RAB6A: variants seen among roughly 807,000 people sequenced by gnomAD.
RAB6A encodes the protein ras-related protein Rab-6A.
In RAB6A, 8 loss-of-function variants were observed where a neutral mutation model predicts 32.3. The observed-to-expected ratio is 0.25, with a 90% CI of 0.15 to 0.45. The LOEUF is 0.45. RAB6A is among the 20% of genes least tolerant of loss of function. The pLI, the probability that RAB6A is intolerant of heterozygous loss-of-function variation, is 1.00. For synonymous variants in RAB6A, 73 were observed against 82.1 expected (o/e 0.89, Z 0.60); for missense variants, 104 against 249.4 (o/e 0.42, Z 3.93).
At chr11:73,703,632 G>A (rs1233295494) in intron 6 of RAB6A, among the ~76,000 whole-genome samples, 1 of 152,128 alleles carries the variant, frequency 6.6e-6, no homozygotes, top group Non-Finnish European at 1.5e-5. Flanking sequence ...ATCCCAGCTA[G>A]GCAGGAGGCT....
intron 1 of RAB6A, among the ~76,000 whole-genome samples, chr11:73,739,947 T>C (rs1158649977): frequency 2.0e-5 from 3 of 151,748 alleles, no homozygotes; most frequent in South Asian, 4.2e-4. Context: ...TAGTCCCAGC[T>C]ACTCAGGAGA....
At chr11:73,692,818 G>A (rs1473038469) in intron 6 of RAB6A, among the ~76,000 whole-genome samples, 1 of 144,594 alleles carries the variant, frequency 6.9e-6, no homozygotes, top group Non-Finnish European at 1.5e-5. Flanking sequence ...AAAATTAGCC[G>A]GGCGTGTTGG....
chr11:73,730,452 T>C (rs890529975), intron 2 of RAB6A: 1 of 225,974 alleles, frequency 4.4e-6, no homozygotes, highest in East Asian at 9.3e-5. Context: ...ATTTCAAATG[T>C]AGATAAAAAA....
intron 1 of RAB6A, among the ~76,000 whole-genome samples, chr11:73,748,933 T>TGGCCAATATGATGACACCCC (rs1946634280): frequency 6.6e-6 from 1 of 152,014 alleles, no homozygotes; most frequent in Non-Finnish European, 1.5e-5. Flanking sequence ...AAGACCAGCC[T>TGGCCAATATGATGACACCCC]GGCCAATATG....
chr11:73,693,291 A>AAAAAAAATAAATAAATAAAT (rs1555055733), intron 6 of RAB6A, among the ~76,000 whole-genome samples: 4 of 150,918 alleles, frequency 2.7e-5, no homozygotes, highest in African/African-American at 9.7e-5. Flanking sequence ...CCGTCTCCAA[A>AAAAAAAATAAATAAATAAAT]AAATAAATAA....
At chr11:73,734,751 C>T (rs923793925) in intron 1 of RAB6A, among the ~76,000 whole-genome samples, 12 of 152,006 alleles carry the variant, frequency 7.9e-5, no homozygotes, top group African/African-American at 2.4e-4. Flanking sequence ...TACCTCCTGC[C>T]GTGAGGCCTG....
At chr11:73,691,826 A>T (rs944670582) in intron 6 of RAB6A, among the ~76,000 whole-genome samples, 1 of 152,130 alleles carries the variant, frequency 6.6e-6, no homozygotes, top group Non-Finnish European at 1.5e-5. Flanking sequence ...CAAAAAAATT[A>T]GCTGGGCATG....
At chr11:73,725,551 A>G (rs930397911) in intron 2 of RAB6A, among the ~76,000 whole-genome samples, 1 of 152,220 alleles carries the variant, frequency 6.6e-6, no homozygotes, top group Non-Finnish European at 1.5e-5. Flanking sequence ...TACTTCTTAC[A>G]TGGAGGCAAC....
intron 6 of RAB6A, among the ~76,000 whole-genome samples, chr11:73,681,357 G>A (rs905799670): frequency 1.3e-5 from 2 of 152,198 alleles, no homozygotes; most frequent in Non-Finnish European, 2.9e-5. Flanking sequence ...GGTAACATCT[G>A]AGTTGAGATT....
At chr11:73,712,191 T>G (rs1473398506) in intron 5 of RAB6A, among the ~76,000 whole-genome samples, 18 of 152,216 alleles carry the variant, frequency 1.2e-4, no homozygotes, top group Admixed American at 9.2e-4. Context: ...CTAATCCCTT[T>G]AGAATTTGTC....
intron 5 of RAB6A, among the ~76,000 whole-genome samples, chr11:73,714,750 G>A (rs920476062): frequency 6.6e-6 from 1 of 151,638 alleles, no homozygotes; most frequent in Non-Finnish European, 1.5e-5. Context: ...GGTGGATCAC[G>A]AGGTCAGGAG....
chr11:73,753,635 C>T (rs1375952515), intron 1 of RAB6A, among the ~76,000 whole-genome samples: 2 of 151,610 alleles, frequency 1.3e-5, no homozygotes, highest in African/African-American at 4.8e-5. Flanking sequence ...GGCATGAACC[C>T]GGGAGGCAGA....
intron 5 of RAB6A, among the ~76,000 whole-genome samples, chr11:73,708,940 A>T (rs993523145): frequency 2.0e-5 from 3 of 152,156 alleles, no homozygotes; most frequent in Non-Finnish European, 2.9e-5. Context: ...CTCCCTAAAA[A>T]CAAGAACATT....
chr11:73,746,498 A>G (rs1325980986), intron 1 of RAB6A, among the ~76,000 whole-genome samples: 1 of 151,888 alleles, frequency 6.6e-6, no homozygotes, highest in Admixed American at 6.6e-5. Context: ...ACAGAGTGAG[A>G]CTCTGTCTCT....
Position 73,683,251 on chromosome 11 carries a change from CTTTT to C in RAB6A, c.496-3535_496-3532del, listed in dbSNP as rs34363473. On this transcript the variant is annotated intron_variant, in intron 6 of 7. Coordinates refer to ENST00000336083, the MANE Select transcript of RAB6A (RefSeq NM_198896.2). ...CTGCATAATAACGATATAGACCCATCTTTTTTTTTTTTTTTTTTTTTGGAGATAT... is the reference window on the plus strand; with the variant it reads ...CTGCATAATAACGATATAGACCCATCTTTTTTTTTTTTTTTTTGGAGATAT... 1.6e-4 allele frequency among the ~76,000 whole-genome samples: 15 copies of C among 92,550 alleles called. No individual in the cohort carries two copies. The South Asian group carries it at 2.8e-3, about 17-fold the overall frequency. The allele number at this position is 92,550 out of a possible 152,430, so 60.7% of individuals were successfully genotyped here.
chr11:73,726,834 G>C (rs1946231786), intron 2 of RAB6A, among the ~76,000 whole-genome samples: 1 of 151,714 alleles, frequency 6.6e-6, no homozygotes, highest in African/African-American at 2.4e-5. Context: ...ATGGGTTGAA[G>C]GTTTTGATGT....
chr11:73,745,887 C>G (rs1379079086), intron 1 of RAB6A, among the ~76,000 whole-genome samples: 1 of 151,826 alleles, frequency 6.6e-6, no homozygotes, highest in Non-Finnish European at 1.5e-5. Context: ...GTAGTCCCAG[C>G]TACTCAGCAG....
At chr11:73,741,559 T>TA (rs1265631709) in intron 1 of RAB6A, among the ~76,000 whole-genome samples, 4 of 151,626 alleles carry the variant, frequency 2.6e-5, no homozygotes, top group African/African-American at 9.7e-5. Context: ...CATGTATGTT[T>TA]ACAGCTGCTT....
At chr11:73,760,420 A>T in intron 1 of RAB6A, 146 bp downstream of exon 1, 1 of 1,113,868 alleles carries the variant, frequency 9.0e-7, no homozygotes. Flanking sequence ...AGCCAGTGGC[A>T]CCGGGGGGCA....
Sources: gnomAD v4.1 joint callset for allele counts (sites outside exome capture counted in the v4.1 genomes callset) on GRCh38, gnomAD v4.1.1 for gene constraint, MANE v1.5 for transcripts, NCBI Gene and HGNC (gene_info 2026-07-23, HGNC 2026-07-21) for gene names.